The following ANKRD11 variants were observed in gnomAD, a reference collection of about 807,000 sequenced individuals.
The protein encoded by ANKRD11 is ankyrin repeat domain-containing protein 11.
A neutral mutation model predicts 195.7 loss-of-function variants in ANKRD11; 17 were observed. That is an observed-to-expected ratio of 0.09 (90% CI 0.06 to 0.13). The LOEUF (loss-of-function observed/expected upper bound fraction) is 0.13. Ranked by LOEUF, ANKRD11 falls within the 10% of genes least tolerant of loss-of-function variation. The probability of loss-of-function intolerance (pLI) is 1.00; values close to 1 mark genes in which losing one functional copy is unlikely to be tolerated. For synonymous variants in ANKRD11, 1,953 were observed against 1,528.1 expected, an observed-to-expected ratio of 1.28 and a Z score of -6.49; for missense variants, 3,735 against 3,566.1, an observed-to-expected ratio of 1.05 and a Z score of -1.21.
intron 1 of ANKRD11, among the ~76,000 whole-genome samples, chr16:89,476,895 C>T (rs188763409): frequency 6.6e-6 from 1 of 152,234 alleles, no homozygotes; most frequent in East Asian, 1.9e-4. Flanking sequence ...CTCACAGTAT[C>T]GCGTAACACA....
chr16:89,324,484 G>GTAAC (rs2037574187), intron 2 of ANKRD11: 2 of 456,524 alleles, frequency 4.4e-6, no homozygotes, highest in South Asian at 1.5e-5. Flanking sequence ...TAAAGGATGT[G>GTAAC]TAACTGTTCC....
intron 1 of ANKRD11, among the ~76,000 whole-genome samples, chr16:89,472,305 T>C (rs1375655443): frequency 2.0e-5 from 3 of 152,132 alleles, no homozygotes; most frequent in African/African-American, 7.2e-5. Context: ...TGTGTTTGTG[T>C]GGATCTGTAG....
At chr16:89,336,432 T>G (rs2038357208) in intron 2 of ANKRD11, among the ~76,000 whole-genome samples, 1 of 152,260 alleles carries the variant, frequency 6.6e-6, no homozygotes, top group African/African-American at 2.4e-5. Context: ...TGTGGGCTTC[T>G]GTGGTGCTAG....
At chr16:89,286,605 G>C in intron 7 of ANKRD11, 1 of 1,148,674 alleles carries the variant, frequency 8.7e-7, no homozygotes, top group Non-Finnish European at 1.1e-6. Flanking sequence ...AGAGGTTAGG[G>C]AGAAGAGTGT....
chr16:89,365,495 G>A (rs1026761296), intron 2 of ANKRD11, among the ~76,000 whole-genome samples: 35 of 152,334 alleles, frequency 2.3e-4, no homozygotes, highest in Admixed American at 1.9e-3. Flanking sequence ...CAGCCTTACC[G>A]TGCTGCTGAG....
Position 89,356,323 on chromosome 16 carries a change from G to A in ANKRD11, c.-59-39245C>T, listed in dbSNP as rs148317216. ...AATTCCAGAGACACGCACAGTTCTCGGTGGCAAGCCATCCGCTGAGGTGAG... is the reference window on the plus strand; with the variant it reads ...AATTCCAGAGACACGCACAGTTCTCAGTGGCAAGCCATCCGCTGAGGTGAG... On this transcript the variant is annotated intron_variant, in intron 2 of 12. Transcript: ENST00000301030. 6.5e-3 allele frequency among the ~76,000 whole-genome samples: 989 copies of A among 151,930 alleles called. 41 individuals are homozygous for A. The highest frequency in any genetic ancestry group is 0.047 in the Admixed American group (713 of 15,262).
chr16:89,300,851 CCCCTTGTTCCA>C (rs1162119148), intron 4 of ANKRD11: 1 of 701,500 alleles, frequency 1.4e-6, no homozygotes, highest in Non-Finnish European at 2.6e-6. Flanking sequence ...CATAATTTTT[CCCCTTGTTCCA>C]AAGAAACATC....
intron 2 of ANKRD11, among the ~76,000 whole-genome samples, chr16:89,354,663 C>A (rs2039388008): frequency 1.3e-5 from 2 of 152,308 alleles, no homozygotes; most frequent in Non-Finnish European, 2.9e-5. Context: ...AGGTGAATCA[C>A]CTGAAGTCAG....
At chr16:89,289,044 G>A (rs934865955) in intron 6 of ANKRD11, 9 of 327,154 alleles carry the variant, frequency 2.8e-5, no homozygotes, top group African/African-American at 6.4e-5. Context: ...GAAACCTCCC[G>A]TGTCGGAAAC....
At chr16:89,467,512 G>A (rs2056926642) in intron 1 of ANKRD11, among the ~76,000 whole-genome samples, 1 of 151,224 alleles carries the variant, frequency 6.6e-6, no homozygotes, top group African/African-American at 2.4e-5. Flanking sequence ...ACAGGCACAC[G>A]CTATCACACC....
At chr16:89,333,864 T>A (rs2038193208) in intron 2 of ANKRD11, among the ~76,000 whole-genome samples, 1 of 152,206 alleles carries the variant, frequency 6.6e-6, no homozygotes, top group East Asian at 1.9e-4. Flanking sequence ...TATTATTCTG[T>A]GAGTATGTTC....
chr16:89,425,608 G>A (rs1011603918), intron 1 of ANKRD11, among the ~76,000 whole-genome samples: 5 of 152,172 alleles, frequency 3.3e-5, no homozygotes, highest in South Asian at 2.1e-4. Context: ...GGTCTCCTTC[G>A]TTTTTTCAGG....
Position 89,284,361 on chromosome 16 carries a change from G to A in ANKRD11, c.2181C>T (p.Asp727=), listed in dbSNP as rs2034497258. ...SLKRIKDTNK[D]ISRSFREEKD... ...TCTCTTCTCGGAAAGACCTGCTGATGTCTTTGTTTGTGTCTTTGATTCTCT... is the reference window on the plus strand; with the variant it reads ...TCTCTTCTCGGAAAGACCTGCTGATATCTTTGTTTGTGTCTTTGATTCTCT... Residue 727 remains aspartate (D), a synonymous_variant, in exon 9 of 13, where the codon GAC becomes GAT. Coordinates refer to ENST00000301030, the MANE Select transcript of ANKRD11 (RefSeq NM_013275.6). 1.9e-6 allele frequency: 3 copies of A among 1,613,800 alleles called. No individual in the cohort carries two copies. Among genetic ancestry groups the A allele is most frequent in the Middle Eastern group, 1.6e-4 (1 of 6,062 alleles).
intron 2 of ANKRD11, among the ~76,000 whole-genome samples, chr16:89,338,586 G>A (rs1389403227): frequency 6.6e-5 from 10 of 151,750 alleles, no homozygotes; most frequent in African/African-American, 2.2e-4. Flanking sequence ...TTAGCTGGGC[G>A]TGGTGGCATG....
chr16:89,462,477 T>G (rs543577892), intron 1 of ANKRD11, among the ~76,000 whole-genome samples: 1 of 152,130 alleles, frequency 6.6e-6, no homozygotes, highest in Non-Finnish European at 1.5e-5. Context: ...CTGCAACCTC[T>G]GCCCGGCCGC....
At chr16:89,287,621 C>T (rs1320048455) in intron 7 of ANKRD11, 1 of 160,676 alleles carries the variant, frequency 6.2e-6, no homozygotes, top group Non-Finnish European at 1.4e-5. Context: ...GCCCATAAAA[C>T]AGAAACAGTA....
Position 89,442,148 on chromosome 16 carries a change from G to A in ANKRD11, c.-144-23780C>T, listed in dbSNP as rs546661495. 2.8e-4 allele frequency among the ~76,000 whole-genome samples: 43 copies of A among 152,360 alleles called. No individual in the cohort carries two copies. The South Asian group carries it at 6.6e-3, about 23-fold the overall frequency. ...GATGCAGTGCACCGAGGGCCAAGGC[G>A]AAGGCCGCAGGGGGAGGAGGCTCAG... On this transcript the variant is annotated intron_variant, in intron 1 of 12. Transcript: ENST00000301030.
intron 3 of ANKRD11, among the ~76,000 whole-genome samples, chr16:89,315,898 C>T (rs193239306): frequency 6.6e-6 from 1 of 152,256 alleles, no homozygotes; most frequent in East Asian, 1.9e-4. Context: ...AGCAGAGAGG[C>T]TGCAGCACAG....
chr16:89,384,648 C>T (rs893755217), intron 2 of ANKRD11, among the ~76,000 whole-genome samples: 5 of 152,116 alleles, frequency 3.3e-5, no homozygotes, highest in Non-Finnish European at 7.4e-5. Flanking sequence ...GTGGCACTGA[C>T]GGCTTCAAAG....
Sources: gnomAD v4.1 joint callset for allele counts (sites outside exome capture counted in the v4.1 genomes callset) on GRCh38, gnomAD v4.1.1 for gene constraint, MANE v1.5 for transcripts, NCBI Gene and HGNC (gene_info 2026-07-23, HGNC 2026-07-21) for gene names.